Variants in GRIP1 observed in about 807,000 individuals in gnomAD.
GRIP1 encodes the protein glutamate receptor-interacting protein 1.
A neutral mutation model predicts 129.9 loss-of-function variants in GRIP1; 45 were observed. The observed-to-expected ratio is 0.35, with a 90% CI of 0.27 to 0.44. The LOEUF is 0.44. GRIP1 is among the 20% of genes least tolerant of loss of function. The pLI, the probability that GRIP1 is intolerant of heterozygous loss-of-function variation, is 1.00. For synonymous variants in GRIP1, 530 were observed against 520.8 expected, an observed-to-expected ratio of 1.02 and a Z score of -0.24; for missense variants, 1,196 against 1,396.8, an observed-to-expected ratio of 0.86 and a Z score of 2.29.
intron 15 of GRIP1, among the ~76,000 whole-genome samples, chr12:66,412,088 C>T (rs1251782157): frequency 6.6e-6 from 1 of 152,132 alleles, no homozygotes; most frequent in Non-Finnish European, 1.5e-5. Context: ...CTTCCCTAGC[C>T]TAGCAAGACA....
intron 7 of GRIP1, among the ~76,000 whole-genome samples, chr12:66,481,914 C>T (rs923341235): frequency 4.4e-5 from 6 of 137,058 alleles, no homozygotes; most frequent in East Asian, 2.3e-4. Context: ...CACATGGACA[C>T]AGGGAGGGGA....
In GRIP1 at chr12:66,541,630, C is replaced by G. The variant is rs529717572; in HGVS notation, c.272+185G>C. On this transcript the variant is annotated intron_variant, in intron 3 of 24. Transcript: ENST00000359742. Reference sequence around the variant, plus strand: ...CCTGGGACTGCAGCCTAGGCTAGAACAGCCACATGGGCAGACCTGGGGAAC... The same window carrying G: ...CCTGGGACTGCAGCCTAGGCTAGAAGAGCCACATGGGCAGACCTGGGGAAC... 2.6e-5 allele frequency among the ~76,000 whole-genome samples: 4 copies of G among 152,346 alleles called. No individual in the cohort carries two copies. In the South Asian group the frequency reaches 8.3e-4, roughly 32 times the overall value.
chr12:67,019,660 T>G (rs1365537856), intron 1 of GRIP1, among the ~76,000 whole-genome samples: 1 of 152,064 alleles, frequency 6.6e-6, no homozygotes, highest in African/African-American at 2.4e-5. Context: ...TAATTCCAAA[T>G]GAGGATGACT....
At chr12:66,737,369 C>T (rs1267936465) in intron 1 of GRIP1, among the ~76,000 whole-genome samples, 2 of 152,094 alleles carry the variant, frequency 1.3e-5, no homozygotes, top group African/African-American at 4.8e-5. Flanking sequence ...TTGCAACCTC[C>T]GCCTCCCAGG....
intron 1 of GRIP1, among the ~76,000 whole-genome samples, chr12:66,621,876 C>A (rs964709258): frequency 6.6e-6 from 1 of 152,040 alleles, no homozygotes; most frequent in East Asian, 1.9e-4. Context: ...GTGCTTATGG[C>A]CCATTTGTGT....
chr12:66,823,564 C>T (rs926123079), intron 1 of GRIP1, among the ~76,000 whole-genome samples: 2 of 152,120 alleles, frequency 1.3e-5, no homozygotes, highest in Non-Finnish European at 2.9e-5. Context: ...GCACCTAATA[C>T]ACCATATCTA....
At chr12:66,644,355 T>C (rs1245073836) in intron 1 of GRIP1, among the ~76,000 whole-genome samples, 2 of 152,184 alleles carry the variant, frequency 1.3e-5, no homozygotes, top group South Asian at 2.1e-4. Flanking sequence ...ACATTGATGG[T>C]GGAGTTAATA....
intron 1 of GRIP1, among the ~76,000 whole-genome samples, chr12:67,051,773 A>C (rs2043350166): frequency 6.6e-6 from 1 of 152,224 alleles, no homozygotes; most frequent in Admixed American, 6.5e-5. Flanking sequence ...GATCAGAAAG[A>C]AGCTTTGCTG....
At chr12:66,771,514 T>C (rs1005042188) in intron 1 of GRIP1, among the ~76,000 whole-genome samples, 2 of 152,164 alleles carry the variant, frequency 1.3e-5, no homozygotes, top group Admixed American at 6.5e-5. Context: ...TATAGATCCA[T>C]AGGGTATATG....
chr12:66,589,626 AAT>A (rs2139699233), intron 2 of GRIP1, among the ~76,000 whole-genome samples: 1 of 152,316 alleles, frequency 6.6e-6, no homozygotes, highest in East Asian at 1.9e-4. Flanking sequence ...ATATTAGAAA[AAT>A]ATGATTAGCA....
At chr12:66,819,797 T>C (rs1440005887) in intron 1 of GRIP1, among the ~76,000 whole-genome samples, 5 of 152,098 alleles carry the variant, frequency 3.3e-5, no homozygotes, top group Non-Finnish European at 7.3e-5. Flanking sequence ...ATCAGAGATG[T>C]GATATCATAG....
At chr12:66,450,481 ATAAG>A (rs1457909310) in intron 11 of GRIP1, among the ~76,000 whole-genome samples, 1 of 151,622 alleles carries the variant, frequency 6.6e-6, no homozygotes, top group East Asian at 1.9e-4. Flanking sequence ...GGTTTTGAAA[ATAAG>A]TACTAATTTA....
At chr12:66,831,744 G>A (rs987537775) in intron 1 of GRIP1, among the ~76,000 whole-genome samples, 2 of 152,036 alleles carry the variant, frequency 1.3e-5, no homozygotes, top group Non-Finnish European at 2.9e-5. Flanking sequence ...CCTTTGGGAC[G>A]AGCACGGTAC....
intron 1 of GRIP1, among the ~76,000 whole-genome samples, chr12:66,751,846 A>G (rs543470243): frequency 6.6e-6 from 1 of 152,322 alleles, no homozygotes; most frequent in South Asian, 2.1e-4. Flanking sequence ...AGTGCTGACA[A>G]CATGTGTCAC....
chr12:66,715,452 A>ATGAGTGTGTG (rs1555229454), intron 1 of GRIP1, among the ~76,000 whole-genome samples: 2 of 73,064 alleles, frequency 2.7e-5, no homozygotes, highest in African/African-American at 5.7e-5. Context: ...TTGTAGCTTG[A>ATGAGTGTGTG]TGTGTGTGTG....
intron 1 of GRIP1, among the ~76,000 whole-genome samples, chr12:66,723,437 C>T (rs925461677): frequency 2.6e-5 from 4 of 150,998 alleles, no homozygotes; most frequent in East Asian, 2.0e-4. Context: ...CTCAGCCTCC[C>T]GAGTAGCTGG....
At position 67,022,640 on chromosome 12, in the gene GRIP1, G is replaced by GTATAGGTAGC. The variant is rs2042884532; in HGVS notation, c.58+46400_58+46409dup. 2.0e-5 allele frequency among the ~76,000 whole-genome samples: 3 copies of GTATAGGTAGC among 152,154 alleles called. No individual in the cohort carries two copies. The South Asian group carries it at 6.2e-4, about 32-fold the overall frequency. ...TAATTTTAACAATTTGAATAGATTT[G>GTATAGGTAGC]TATAGGTAGCTCATTGTGAGTTTAA... On this transcript the variant is annotated intron_variant, in intron 1 of 1. Transcript: ENST00000643019.
intron 1 of GRIP1, among the ~76,000 whole-genome samples, chr12:66,757,875 C>G (rs969448273): frequency 6.6e-6 from 1 of 152,148 alleles, no homozygotes; most frequent in East Asian, 1.9e-4. Context: ...AGGAACTTTT[C>G]TCATTGCTTT....
At chr12:66,835,151 C>T (rs1043331615) in intron 1 of GRIP1, among the ~76,000 whole-genome samples, 1 of 151,848 alleles carries the variant, frequency 6.6e-6, no homozygotes, top group Non-Finnish European at 1.5e-5. Flanking sequence ...ACCAACCAAC[C>T]AAATAAACAA....
Sources: allele counts gnomAD v4.1 joint callset (sites outside exome capture counted in the v4.1 genomes callset), GRCh38; gene constraint gnomAD v4.1.1; transcripts MANE v1.5; gene names NCBI Gene and HGNC (gene_info 2026-07-23, HGNC 2026-07-21).